The following PPP1R21 variants were observed in gnomAD, a reference collection of about 807,000 sequenced individuals.
PPP1R21 encodes the protein protein phosphatase 1 regulatory subunit 21.
Under a neutral mutation model 112.8 loss-of-function variants are expected in PPP1R21, and 85 were observed. The observed-to-expected ratio is 0.75, with a 90% CI of 0.63 to 0.90. The LOEUF (loss-of-function observed/expected upper bound fraction) is 0.90, where lower values mean the gene tolerates loss of function less well. PPP1R21 is among the 40% of genes least tolerant of loss of function. The probability of loss-of-function intolerance (pLI) is 0.00; values close to 1 mark genes in which losing one functional copy is unlikely to be tolerated. For missense variants in PPP1R21, 1,199 were observed against 901.5 expected (o/e 1.33, Z -4.23); for synonymous variants, 381 against 322.3 (o/e 1.18, Z -1.95).
chr2:48,488,816 G>A (rs1468570929), intron 14 of PPP1R21, among the ~76,000 whole-genome samples: 11 of 152,130 alleles, frequency 7.2e-5, no homozygotes, highest in Admixed American at 7.2e-4. Context: ...TAATTTTACA[G>A]TTTGTAATTT....
Position 48,486,708 on chromosome 2 carries a change from A to T in PPP1R21, c.1396A>T (p.Asn466Tyr). Residue 466 changes from asparagine to tyrosine, a missense_variant, in exon 14 of 22, where the codon AAT becomes TAT. Coordinates refer to ENST00000294952, the MANE Select transcript of PPP1R21 (RefSeq NM_001135629.3). ...AGCAACACAGAAGCTGATAACAACT[A>T]ATGACTGTATCCTGTCATCAGTAGT... ...PTATQKLITT[N>Y]DCILSSVVAL... 1.9e-6 allele frequency: 3 copies of T among 1,613,508 alleles called. No individual in the cohort carries two copies. Among genetic ancestry groups the T allele is most frequent in the Non-Finnish European group, 2.5e-6 (3 of 1,179,450 alleles).
At chr2:48,491,919 G>T (rs1669585155) in intron 15 of PPP1R21, among the ~76,000 whole-genome samples, 2 of 152,082 alleles carry the variant, frequency 1.3e-5, no homozygotes. Context: ...GCTCCTTGGG[G>T]AGCAGGACTA....
intron 1 of PPP1R21, among the ~76,000 whole-genome samples, chr2:48,442,380 C>A (rs1667069402): frequency 6.6e-6 from 1 of 152,206 alleles, no homozygotes; most frequent in African/African-American, 2.4e-5. Flanking sequence ...CTCAGAAGGC[C>A]ATTACAAATG....
intron 14 of PPP1R21, among the ~76,000 whole-genome samples, chr2:48,488,478 C>T (rs540189093): frequency 7.9e-5 from 12 of 151,932 alleles, no homozygotes; most frequent in African/African-American, 2.2e-4. Flanking sequence ...ACCATTCTGC[C>T]GCCTCAGCCT....
At chr2:48,482,584 T>C (rs1023072329) in intron 13 of PPP1R21, among the ~76,000 whole-genome samples, 4 of 152,172 alleles carry the variant, frequency 2.6e-5, no homozygotes, top group Admixed American at 2.6e-4. Context: ...TTTGGAGGTA[T>C]TCCCAGATTC....
chr2:48,470,819 G>A (rs988734183), intron 9 of PPP1R21, among the ~76,000 whole-genome samples: 3 of 152,138 alleles, frequency 2.0e-5, no homozygotes, highest in Non-Finnish European at 4.4e-5. Flanking sequence ...GTTATTAATT[G>A]TGTCACCCCT....
At chr2:48,459,647 C>A in intron 4 of PPP1R21, 107 bp from the exon 5 acceptor site, 1 of 1,211,038 alleles carries the variant, frequency 8.3e-7, no homozygotes, top group Non-Finnish European at 1.1e-6. Context: ...ACATAGTCAG[C>A]ATATGGAACC....
At chr2:48,498,292 C>T (rs551458813) in intron 16 of PPP1R21, among the ~76,000 whole-genome samples, 284 of 149,258 alleles carry the variant, frequency 1.9e-3, no homozygotes, top group African/African-American at 6.7e-3. Flanking sequence ...TTTTTTATCT[C>T]ACTATAGTTT....
chr2:48,493,964 G>A (rs967078429), intron 15 of PPP1R21, among the ~76,000 whole-genome samples: 15 of 148,900 alleles, frequency 1.0e-4, no homozygotes, highest in African/African-American at 3.5e-4. Flanking sequence ...GCTCATGCCT[G>A]TAATCCCGAC....
intron 17 of PPP1R21, among the ~76,000 whole-genome samples, chr2:48,500,631 G>C (rs1404749779): frequency 2.6e-5 from 4 of 152,070 alleles, no homozygotes; most frequent in Non-Finnish European, 5.9e-5. Flanking sequence ...CCTAGTTTGG[G>C]CTGGGTGCGT....
chr2:48,454,267 T>A (rs935945797), intron 2 of PPP1R21, among the ~76,000 whole-genome samples: 3 of 151,326 alleles, frequency 2.0e-5, no homozygotes, highest in African/African-American at 4.9e-5. Flanking sequence ...TCTCAAAAAA[T>A]AAATAAATAA....
chr2:48,513,187 G>C (rs1670716287), intron 21 of PPP1R21, among the ~76,000 whole-genome samples: 1 of 151,872 alleles, frequency 6.6e-6, no homozygotes, highest in Admixed American at 6.6e-5. Flanking sequence ...CAGAAGTTAG[G>C]GAATTTTCAA....
At chr2:48,464,461 T>TA (rs1327463814) in intron 7 of PPP1R21, among the ~76,000 whole-genome samples, 1 of 152,122 alleles carries the variant, frequency 6.6e-6, no homozygotes, top group Non-Finnish European at 1.5e-5. Flanking sequence ...CTGAGAAAGA[T>TA]AGTGATACCA....
At chr2:48,447,434 G>A (rs1202900941) in intron 1 of PPP1R21, among the ~76,000 whole-genome samples, 1 of 152,222 alleles carries the variant, frequency 6.6e-6, no homozygotes, top group Non-Finnish European at 1.5e-5. Flanking sequence ...GTGCACAGCT[G>A]TTGAAAATAA....
Position 48,499,670 on chromosome 2 carries a change from T to C in PPP1R21, c.1935+935T>C, listed in dbSNP as rs376208189. Among the ~76,000 whole-genome samples the C allele has an allele frequency of 4.5e-4, 69 of 152,382 alleles. 2 individuals are homozygous for C. Among genetic ancestry groups the C allele is most frequent in the African/African-American group, 1.6e-3 (67 of 41,598 alleles). ...CTAGAGAGTGTAAAGCTTTATAATA[T>C]ACACATACTGTAGAAACCCATCAGG... On this transcript the variant is annotated intron_variant, in intron 17 of 21. Transcript: ENST00000294952.
At chr2:48,458,645 C>T (rs1426756822) in intron 4 of PPP1R21, among the ~76,000 whole-genome samples, 1 of 148,138 alleles carries the variant, frequency 6.8e-6, no homozygotes, top group Non-Finnish European at 1.5e-5. Flanking sequence ...GTTCTTATCC[C>T]TACCCCTGTT....
At chr2:48,469,805 A>G (rs1024553726) in intron 9 of PPP1R21, among the ~76,000 whole-genome samples, 1 of 152,032 alleles carries the variant, frequency 6.6e-6, no homozygotes, top group African/African-American at 2.4e-5. Flanking sequence ...GATTTTTGTA[A>G]TAAGTCTGTG....
At chr2:48,446,323 A>C (rs553332247) in intron 1 of PPP1R21, among the ~76,000 whole-genome samples, 3 of 152,278 alleles carry the variant, frequency 2.0e-5, no homozygotes, top group African/African-American at 7.2e-5. Flanking sequence ...GCTTACCAGC[A>C]CTCTGTGTCC....
intron 16 of PPP1R21, 86 bp from the exon 17 acceptor site, chr2:48,498,407 T>C: frequency 7.3e-7 from 1 of 1,375,538 alleles, no homozygotes; most frequent in Non-Finnish European, 1.0e-6. Flanking sequence ...GGGGTAGTTT[T>C]GGTTTACATT....
Sources: allele counts gnomAD v4.1 joint callset (sites outside exome capture counted in the v4.1 genomes callset), GRCh38; gene constraint gnomAD v4.1.1; transcripts MANE v1.5; gene names NCBI Gene and HGNC (gene_info 2026-07-23, HGNC 2026-07-21).